Variants in PPM1K observed in about 807,000 individuals in gnomAD.
PPM1K encodes the protein protein phosphatase Mn(2+)-dependent 1K.
Under a neutral mutation model 32.6 loss-of-function variants are expected in PPM1K, and 19 were observed. The ratio of observed to expected loss-of-function variants is 0.58; its 90% CI spans 0.41 to 0.86. The LOEUF is 0.86. Among genes scored for constraint, PPM1K ranks in the 40% least tolerant of loss-of-function variants. PPM1K has a pLI of 0.00. For missense variants in PPM1K, 362 were observed against 461.2 expected (o/e 0.78, Z 1.97); for synonymous variants, 159 against 165.3 (o/e 0.96, Z 0.29).
At chr4:88,273,713 C>T (rs1731653467) in intron 3 of PPM1K, among the ~76,000 whole-genome samples, 1 of 151,770 alleles carries the variant, frequency 6.6e-6, no homozygotes, top group Admixed American at 6.6e-5. Context: ...AAAGGGCTAC[C>T]TGGGGCCAAG....
intron 3 of PPM1K, chr4:88,275,116 T>C (rs1731713205): frequency 4.9e-6 from 3 of 611,370 alleles, no homozygotes; most frequent in African/African-American, 2.0e-5. Context: ...TGTTCTGGGA[T>C]CATTACTTCA....
At chr4:88,273,712 C>G (rs1378341359) in intron 3 of PPM1K, among the ~76,000 whole-genome samples, 1 of 151,548 alleles carries the variant, frequency 6.6e-6, no homozygotes, top group African/African-American at 2.4e-5. Flanking sequence ...AAAAGGGCTA[C>G]CTGGGGCCAA....
chr4:88,280,925 A>G (rs1347038672), intron 1 of PPM1K, among the ~76,000 whole-genome samples: 2 of 152,172 alleles, frequency 1.3e-5, no homozygotes, highest in African/African-American at 4.8e-5. Context: ...TTTGCTTCTA[A>G]TTGAGAGTTA....
In PPM1K at chr4:88,257,774, G is replaced by C. The variant is rs991543882; in HGVS notation, c.*4821C>G. 4 of 152,214 alleles carry C rather than the reference G, an allele frequency of 2.6e-5. No individual in the cohort carries two copies. The highest frequency in any genetic ancestry group is 9.6e-5 in the African/African-American group (4 of 41,454). 9.4% of individuals were successfully genotyped at this position (152,214 alleles called of 1,614,324 possible). On this transcript the variant is annotated 3_prime_UTR_variant, in exon 7 of 7. Transcript: ENST00000608933. Reference sequence around the variant, plus strand: ...GCAGGAGTCATTATACACTCAGGTAGTACTTTGGTAAATTACAAAACAAAT... The same window carrying C: ...GCAGGAGTCATTATACACTCAGGTACTACTTTGGTAAATTACAAAACAAAT...
chr4:88,277,058 C>G (rs1043107114), intron 3 of PPM1K, 85 bp downstream of exon 3: 20 of 1,029,710 alleles, frequency 1.9e-5, no homozygotes, highest in South Asian at 1.7e-4. Context: ...ATCCCCTCCC[C>G]CAAAGGACTT....
intron 5 of PPM1K, among the ~76,000 whole-genome samples, chr4:88,265,409 G>A (rs1440399604): frequency 1.3e-5 from 2 of 152,158 alleles, no homozygotes; most frequent in Non-Finnish European, 1.5e-5. Flanking sequence ...CACAAGATCT[G>A]ATGGTTTTAT....
intron 3 of PPM1K, among the ~76,000 whole-genome samples, chr4:88,274,502 G>T (rs1731686481): frequency 6.6e-6 from 1 of 152,108 alleles, no homozygotes; most frequent in South Asian, 2.1e-4. Context: ...CTCACAGGAA[G>T]GGTTCAAGAA....
chr4:88,277,068 TAA>T, intron 3 of PPM1K, 73 bp downstream of exon 3: 1 of 1,148,970 alleles, frequency 8.7e-7, no homozygotes, highest in African/African-American at 1.5e-5. Context: ...CCAAAGGACT[TAA>T]AGTGTTTCCT....
rs375768548 is a variant in PPM1K at position 88,278,154 on chromosome 4, T to C, written c.430A>G (p.Lys144Glu). Residue 144 changes from lysine (K) to glutamate (E), a missense_variant, in exon 2 of 7, where the codon AAA becomes GAA. Transcript: ENST00000608933. This position sits in a 1 kb window ranked among gnomAD's most constrained non-coding sequence, Gnocchi z 4.2. The part of the protein sequence containing the change: ...AADFCHTHME[K>E]CIMDLLPKEK... ...AGTCATTGTACATACATAATACATT[T>C]CTCCATGTGGGTATGACAGAAATCA... The C allele has an allele frequency of 6.2e-5, 100 of 1,612,960 alleles. No homozygotes were observed. Among genetic ancestry groups the C allele is most frequent in the Non-Finnish European group, 5.8e-5 (68 of 1,179,206 alleles).
At chr4:88,275,164 T>C (rs983486660) in intron 3 of PPM1K, 1 of 546,544 alleles carries the variant, frequency 1.8e-6, no homozygotes, top group African/African-American at 2.1e-5. Context: ...ATAATGCATT[T>C]TAATTTCTTT....
intron 6 of PPM1K, among the ~76,000 whole-genome samples, chr4:88,264,739 T>C (rs1041200287): frequency 6.6e-6 from 1 of 152,214 alleles, no homozygotes; most frequent in East Asian, 1.9e-4. Context: ...GTCTGACACA[T>C]AGCAAGTGAA....
intron 3 of PPM1K, among the ~76,000 whole-genome samples, chr4:88,272,560 C>G (rs960796637): frequency 5.3e-5 from 8 of 152,094 alleles, no homozygotes; most frequent in Non-Finnish European, 1.5e-5. Flanking sequence ...GTGGCTATCT[C>G]TTTATAAACA....
intron 1 of PPM1K, chr4:88,279,276 G>GGATAAATT (rs1368732293): frequency 6.6e-6 from 1 of 152,128 alleles, no homozygotes; most frequent in East Asian, 1.9e-4. Flanking sequence ...ACATAATCTA[G>GGATAAATT]GATAAATCTA....
chr4:88,266,106 G>A lies in PPM1K; in HGVS notation c.853-971C>T, dbSNP rs147889825. 2.8e-4 allele frequency among the ~76,000 whole-genome samples: 42 copies of A among 152,288 alleles called. 1 individual carries two copies. In the East Asian group the frequency reaches 6.4e-3, roughly 23 times the overall value. On this transcript the variant is annotated intron_variant, in intron 5 of 6. Coordinates refer to ENST00000608933, the MANE Select transcript of PPM1K (RefSeq NM_152542.5). Reference sequence around the variant, plus strand: ...ATGAAGTGGGATATCTATAACACACGATGTGGGATATCTATAGACTTGAAA... The same window carrying A: ...ATGAAGTGGGATATCTATAACACACAATGTGGGATATCTATAGACTTGAAA...
chr4:88,274,376 G>C (rs1455393700), intron 3 of PPM1K, among the ~76,000 whole-genome samples: 8 of 152,188 alleles, frequency 5.3e-5, no homozygotes, highest in Admixed American at 5.2e-4. Context: ...ACTTCAGTGA[G>C]AAAGAGTCAG....
At position 88,262,629 on chromosome 4, in the gene PPM1K, C is replaced by G. The variant is rs1731161674; in HGVS notation, c.1085G>C (p.Ser362Thr). 2 of 1,614,128 alleles carry G rather than the reference C, an allele frequency of 1.2e-6. No individual in the cohort carries two copies. Among genetic ancestry groups the G allele is most frequent in the Non-Finnish European group, 1.7e-6 (2 of 1,180,002 alleles). Residue 362 changes from serine (S) to threonine (T), a missense_variant, in exon 7 of 7, where the codon AGC (serine) becomes ACC (threonine). Coordinates refer to ENST00000608933, the MANE Select transcript of PPM1K (RefSeq NM_152542.5). The part of the protein sequence containing the change: ...YKNSEINFSF[S>T]RSFASSGRWA ...TCGTCCACTGGAGGCAAAGCTTCTGCTGAATGAGAAGTTGATTTCAGAGTT... is the reference window on the plus strand; with the variant it reads ...TCGTCCACTGGAGGCAAAGCTTCTGGTGAATGAGAAGTTGATTTCAGAGTT...
chr4:88,268,477 C>T (rs1731424469), intron 4 of PPM1K, 143 bp from the exon 5 acceptor site: 9 of 973,272 alleles, frequency 9.2e-6, no homozygotes, highest in East Asian at 2.6e-5. Context: ...AAAAATTAGC[C>T]GAGCGTGTTG....
chr4:88,277,059 C>G (rs1315010042), intron 3 of PPM1K, 84 bp downstream of exon 3: 1 of 1,039,442 alleles, frequency 9.6e-7, no homozygotes, highest in Non-Finnish European at 1.5e-6. Context: ...TCCCCTCCCC[C>G]AAAGGACTTA....
chr4:88,262,616 G>C lies in PPM1K; in HGVS notation c.1098C>G (p.Ala366=). ...GTAATCAGGCCCATCGTCCACTGGA[G>C]GCAAAGCTTCTGCTGAATGAGAAGT... ...EINFSFSRSF[A]SSGRWA is the part of the protein sequence containing the mutation. Residue 366 remains alanine (A), a synonymous_variant, in exon 7 of 7, where the codon GCC becomes GCG. Coordinates refer to ENST00000608933, the MANE Select transcript of PPM1K (RefSeq NM_152542.5). 1 of 1,614,080 alleles carries C rather than the reference G, an allele frequency of 6.2e-7. No individual in the cohort carries two copies. Among genetic ancestry groups the C allele is most frequent in the African/African-American group, 1.3e-5 (1 of 75,030 alleles).
Sources: allele counts gnomAD v4.1 joint callset (sites outside exome capture counted in the v4.1 genomes callset), GRCh38; gene constraint gnomAD v4.1.1; non-coding constraint Gnocchi (gnomAD v3.1); transcripts MANE v1.5; gene names NCBI Gene and HGNC (gene_info 2026-07-23, HGNC 2026-07-21).